TSHZ2: variants seen among roughly 807,000 people sequenced by gnomAD.
TSHZ2 encodes teashirt homolog 2.
In TSHZ2, 21 loss-of-function variants were observed where a neutral mutation model predicts 74.4. That is an observed-to-expected ratio of 0.28 (90% CI 0.20 to 0.41). The LOEUF is 0.41. TSHZ2 is among the 10% of genes least tolerant of loss of function. The pLI, the probability that TSHZ2 is intolerant of heterozygous loss-of-function variation, is 1.00. For synonymous variants in TSHZ2, 540 were observed against 515.3 expected (o/e 1.05, Z -0.65); for missense variants, 1,244 against 1,293.5 (o/e 0.96, Z 0.59).
intron 1 of TSHZ2, among the ~76,000 whole-genome samples, chr20:52,982,231 C>T (rs933191792): frequency 3.9e-5 from 6 of 152,132 alleles, no homozygotes; most frequent in African/African-American, 9.7e-5. Context: ...CAAGTTCGTG[C>T]GGTAGCCAAG....
chr20:53,143,996 A>T (rs1160846972), intron 1 of TSHZ2, among the ~76,000 whole-genome samples: 4 of 152,110 alleles, frequency 2.6e-5, no homozygotes, highest in Non-Finnish European at 5.9e-5. Context: ...AAGTTTGGAA[A>T]TGAAATCATA....
intron 2 of TSHZ2, among the ~76,000 whole-genome samples, chr20:53,335,458 C>G (rs1413110398): frequency 1.3e-5 from 2 of 152,242 alleles, no homozygotes; most frequent in Non-Finnish European, 2.9e-5. Context: ...TTCTGTTCCT[C>G]TCTGGACCCT....
At chr20:53,176,330 T>G (rs1988335853) in intron 1 of TSHZ2, among the ~76,000 whole-genome samples, 1 of 152,232 alleles carries the variant, frequency 6.6e-6, no homozygotes, top group African/African-American at 2.4e-5. Context: ...TGAACACCTG[T>G]AGCCAGCAGG....
chr20:53,041,153 C>T (rs982371843), intron 1 of TSHZ2, among the ~76,000 whole-genome samples: 2 of 152,092 alleles, frequency 1.3e-5, no homozygotes, highest in African/African-American at 4.8e-5. Flanking sequence ...GATTGGAAAC[C>T]CAGTGGGTTT....
At chr20:53,476,484 A>G (rs1453968701) in intron 2 of TSHZ2, among the ~76,000 whole-genome samples, 1 of 152,028 alleles carries the variant, frequency 6.6e-6, no homozygotes. Context: ...AACTCTCAAT[A>G]AATTAGGTAT....
intron 2 of TSHZ2, among the ~76,000 whole-genome samples, chr20:53,365,032 A>G (rs1043960679): frequency 1.3e-5 from 2 of 152,268 alleles, no homozygotes; most frequent in African/African-American, 4.8e-5. Flanking sequence ...GCCAAAAGCA[A>G]CAATGCAAGT....
At chr20:53,005,848 AG>A (rs1303707378) in intron 1 of TSHZ2, among the ~76,000 whole-genome samples, 1 of 152,186 alleles carries the variant, frequency 6.6e-6, no homozygotes, top group African/African-American at 2.4e-5. Flanking sequence ...ATGAAATTTA[AG>A]ATAAGATAAG....
At chr20:53,034,311 A>T (rs189937631) in intron 1 of TSHZ2, among the ~76,000 whole-genome samples, 1 of 152,294 alleles carries the variant, frequency 6.6e-6, no homozygotes, top group East Asian at 1.9e-4. Context: ...GCTGCATTAA[A>T]GGGTTGTTGG....
chr20:53,234,058 T>C (rs1275815247), intron 1 of TSHZ2, among the ~76,000 whole-genome samples: 1 of 152,230 alleles, frequency 6.6e-6, no homozygotes, highest in Non-Finnish European at 1.5e-5. Context: ...TTTTTCTGAT[T>C]AAGAAGCATC....
At chr20:53,382,110 G>A (rs1322080341) in intron 2 of TSHZ2, among the ~76,000 whole-genome samples, 1 of 152,154 alleles carries the variant, frequency 6.6e-6, no homozygotes, top group East Asian at 1.9e-4. Context: ...CTTACCTGCG[G>A]AATCTTTCCA....
At chr20:53,406,924 T>A (rs1982874434) in intron 2 of TSHZ2, among the ~76,000 whole-genome samples, 1 of 152,154 alleles carries the variant, frequency 6.6e-6, no homozygotes, top group African/African-American at 2.4e-5. Context: ...TGGTCCCACG[T>A]CTTCCTAATC....
At chr20:53,051,096 T>C (rs1020907433) in intron 1 of TSHZ2, among the ~76,000 whole-genome samples, 18 of 152,200 alleles carry the variant, frequency 1.2e-4, no homozygotes, top group Non-Finnish European at 2.1e-4. Context: ...CCCAACACTT[T>C]GGGAGGCTGA....
At chr20:53,204,880 G>T (rs576753307) in intron 1 of TSHZ2, among the ~76,000 whole-genome samples, 1 of 151,832 alleles carries the variant, frequency 6.6e-6, no homozygotes, top group Non-Finnish European at 1.5e-5. Flanking sequence ...AGGAGTTCAA[G>T]ACTAGCCTGA....
At chr20:53,420,676 T>C (rs1274480678) in intron 2 of TSHZ2, among the ~76,000 whole-genome samples, 1 of 151,990 alleles carries the variant, frequency 6.6e-6, no homozygotes, top group Non-Finnish European at 1.5e-5. Flanking sequence ...GGCAGGAGAA[T>C]GGCGTGAACC....
intron 1 of TSHZ2, among the ~76,000 whole-genome samples, chr20:53,242,666 A>T (rs1049827379): frequency 1.3e-5 from 2 of 152,126 alleles, no homozygotes; most frequent in Admixed American, 6.5e-5. Flanking sequence ...GCACACTTCA[A>T]CCATCCAAAG....
At chr20:53,351,216 T>G (rs1422406134) in intron 2 of TSHZ2, among the ~76,000 whole-genome samples, 3 of 152,198 alleles carry the variant, frequency 2.0e-5, no homozygotes, top group Non-Finnish European at 4.4e-5. Context: ...TTCACTGTTT[T>G]CCCTTATTGA....
At chr20:52,990,493 A>T (rs2122915197) in intron 1 of TSHZ2, among the ~76,000 whole-genome samples, 1 of 152,296 alleles carries the variant, frequency 6.6e-6, no homozygotes, top group Admixed American at 6.5e-5. Context: ...TAAAAAGAAA[A>T]GCATGAACAA....
chr20:53,061,402 G>C (rs1984818781), intron 1 of TSHZ2, among the ~76,000 whole-genome samples: 2 of 152,124 alleles, frequency 1.3e-5, no homozygotes, highest in Non-Finnish European at 2.9e-5. Flanking sequence ...CTTGTCAAAA[G>C]ACACCCTGAG....
At chr20:53,414,827 A>C (rs965412311) in intron 2 of TSHZ2, among the ~76,000 whole-genome samples, 63 of 152,320 alleles carry the variant, frequency 4.1e-4, no homozygotes, top group African/African-American at 1.4e-3. Flanking sequence ...GACCAGAGTG[A>C]CCAGGCTCCT....
Sources: gnomAD v4.1 joint callset for allele counts (sites outside exome capture counted in the v4.1 genomes callset) on GRCh38, gnomAD v4.1.1 for gene constraint, MANE v1.5 for transcripts, NCBI Gene and HGNC (gene_info 2026-07-23, HGNC 2026-07-21) for gene names.